SORCS1: variants seen among roughly 807,000 people sequenced by gnomAD.
SORCS1 encodes VPS10 domain-containing receptor SorCS1.
SORCS1 carries 60 observed loss-of-function variants against 146.1 expected under a neutral mutation model. The ratio of observed to expected loss-of-function variants is 0.41; its 90% CI spans 0.33 to 0.51. SORCS1 has a LOEUF of 0.51. Ranked by LOEUF, SORCS1 falls within the 20% of genes least tolerant of loss-of-function variation. SORCS1 has a pLI of 0.21. For missense variants in SORCS1, 1,352 were observed against 1,487.6 expected, an observed-to-expected ratio of 0.91 and a Z score of 1.50; for synonymous variants, 637 against 584.0, an observed-to-expected ratio of 1.09 and a Z score of -1.31.
intron 3 of SORCS1, among the ~76,000 whole-genome samples, chr10:106,785,789 C>A (rs1946028887): frequency 6.6e-6 from 1 of 152,138 alleles, no homozygotes; most frequent in Non-Finnish European, 1.5e-5. Flanking sequence ...AGCTCTACTG[C>A]AGAGCTCTTT....
intron 2 of SORCS1, among the ~76,000 whole-genome samples, chr10:106,872,932 T>C (rs1160025030): frequency 6.6e-6 from 1 of 152,166 alleles, no homozygotes; most frequent in Non-Finnish European, 1.5e-5. Flanking sequence ...CCCAGCACTT[T>C]GGGAGTTCGA....
chr10:106,961,544 A>G (rs1321477562), intron 1 of SORCS1, among the ~76,000 whole-genome samples: 1 of 152,206 alleles, frequency 6.6e-6, no homozygotes, highest in Non-Finnish European at 1.5e-5. Context: ...TTCATTTACT[A>G]AAGAATTCAC....
intron 1 of SORCS1, among the ~76,000 whole-genome samples, chr10:107,019,568 G>T (rs1281696079): frequency 1.3e-5 from 2 of 152,176 alleles, no homozygotes; most frequent in East Asian, 3.9e-4. Flanking sequence ...CATTCACTCT[G>T]CCATTTCTTT....
At chr10:106,906,136 G>C (rs1328672670) in intron 2 of SORCS1, among the ~76,000 whole-genome samples, 1 of 152,146 alleles carries the variant, frequency 6.6e-6, no homozygotes, top group African/African-American at 2.4e-5. Context: ...TTATTTGTTT[G>C]TTTTGAGACA....
intron 1 of SORCS1, among the ~76,000 whole-genome samples, chr10:107,034,082 A>T (rs1958784339): frequency 6.6e-6 from 1 of 152,252 alleles, no homozygotes; most frequent in Non-Finnish European, 1.5e-5. Context: ...GGCTTCCAAT[A>T]GACAGCTTGG....
At chr10:106,671,032 C>T (rs111274761) in intron 16 of SORCS1, among the ~76,000 whole-genome samples, 155 of 152,204 alleles carry the variant, frequency 1.0e-3, no homozygotes, top group African/African-American at 3.5e-3. Flanking sequence ...AGCCATCTTC[C>T]GAGTCCTCTT....
intron 2 of SORCS1, among the ~76,000 whole-genome samples, chr10:106,927,908 G>A (rs11193114): frequency 0.55 from 83,171 of 151,624 alleles, 23,821 homozygotes; most frequent in Non-Finnish European, 0.63. Flanking sequence ...CAGAGTAGCT[G>A]GATGCAAAGT....
rs373309411 is a variant in SORCS1 at position 106,957,155 on chromosome 10, G to GTTTTT, written c.559-580_559-576dup. 1.5e-4 allele frequency among the ~76,000 whole-genome samples: 21 copies of GTTTTT among 136,396 alleles called. 2 individuals are homozygous for GTTTTT. Among genetic ancestry groups the GTTTTT allele is most frequent in the Non-Finnish European group, 2.0e-4 (13 of 66,238 alleles). 89.5% of individuals were successfully genotyped at this position (136,396 alleles called of 152,430 possible). On this transcript the variant is annotated intron_variant, in intron 1 of 25. Transcript: ENST00000263054. ...CAAATTACATATCTATTAGCATGTG[G>GTTTTT]TTTTTTTTTGTTTTTTTTGTTTTTT...
intron 5 of SORCS1, among the ~76,000 whole-genome samples, chr10:106,758,623 A>G (rs531551299): frequency 6.6e-6 from 1 of 152,290 alleles, no homozygotes; most frequent in South Asian, 2.1e-4. Flanking sequence ...CACCCCCAAA[A>G]AGGGAGAGAA....
chr10:106,855,266 G>A (rs564050059), intron 2 of SORCS1, among the ~76,000 whole-genome samples: 1 of 152,236 alleles, frequency 6.6e-6, no homozygotes, highest in South Asian at 2.1e-4. Flanking sequence ...TTACAGGTAG[G>A]TGTTCCCCAT....
chr10:106,772,474 C>A (rs1345298871), intron 4 of SORCS1, among the ~76,000 whole-genome samples: 4 of 149,274 alleles, frequency 2.7e-5, no homozygotes, highest in African/African-American at 7.6e-5. Context: ...CAATCAATCT[C>A]TCTCTCTCTC....
intron 8 of SORCS1, among the ~76,000 whole-genome samples, chr10:106,704,716 A>C (rs1002361572): frequency 2.6e-5 from 4 of 152,086 alleles, no homozygotes; most frequent in African/African-American, 9.7e-5. Flanking sequence ...AAAAACAAAA[A>C]CAAAAACAAA....
intron 5 of SORCS1, among the ~76,000 whole-genome samples, chr10:106,755,485 A>C (rs1858565202): frequency 6.6e-6 from 1 of 152,124 alleles, no homozygotes; most frequent in South Asian, 2.1e-4. Context: ...ACAAATATAA[A>C]TCCCCTGATG....
At chr10:106,937,014 GAT>G (rs1405617978) in intron 2 of SORCS1, among the ~76,000 whole-genome samples, 4 of 152,162 alleles carry the variant, frequency 2.6e-5, no homozygotes, top group Non-Finnish European at 4.4e-5. Flanking sequence ...TTTACCAGAT[GAT>G]ACGGTTTGGC....
intron 18 of SORCS1, among the ~76,000 whole-genome samples, chr10:106,642,149 A>G (rs187150759): frequency 1.1e-3 from 164 of 152,348 alleles, no homozygotes; most frequent in African/African-American, 3.5e-3. Flanking sequence ...TGGGACAAAG[A>G]AAAGAGGCTT....
At chr10:106,762,021 A>G (rs1397587381) in intron 4 of SORCS1, among the ~76,000 whole-genome samples, 1 of 152,234 alleles carries the variant, frequency 6.6e-6, no homozygotes, top group African/African-American at 2.4e-5. Flanking sequence ...TGATGCAAAG[A>G]AGTGCAAAAT....
rs894151655 is a variant in SORCS1, at chr10:106,999,335, G to A, written c.559-42755C>T. On this transcript the variant is annotated intron_variant, in intron 1 of 25. Coordinates refer to ENST00000263054, the MANE Select transcript of SORCS1 (RefSeq NM_052918.5). ...TAAGATCAGATCTCTGGGCACTGAAGTCTGTATTTCACATGGAATCTCATT... is the reference window on the plus strand; with the variant it reads ...TAAGATCAGATCTCTGGGCACTGAAATCTGTATTTCACATGGAATCTCATT... Among the ~76,000 whole-genome samples the A allele has an allele frequency of 3.9e-5, 6 of 152,250 alleles. No individual in the cohort carries two copies. In the East Asian group the frequency reaches 1.2e-3, roughly 29 times the overall value.
intron 5 of SORCS1, among the ~76,000 whole-genome samples, chr10:106,761,232 G>A (rs759901556): frequency 1.3e-5 from 2 of 151,952 alleles, no homozygotes; most frequent in Admixed American, 6.6e-5. Flanking sequence ...CTGAATATGC[G>A]ATATATGTGT....
At chr10:107,166,707 C>A (rs1260795705), upstream of SORCS1, among the ~76,000 whole-genome samples, 2 of 152,224 alleles carry the variant, frequency 1.3e-5, no homozygotes, top group Admixed American at 6.5e-5. Context: ...TTAATGACTT[C>A]TTTCTATGCC....
Sources: allele counts gnomAD v4.1 joint callset (sites outside exome capture counted in the v4.1 genomes callset), GRCh38; gene constraint gnomAD v4.1.1; transcripts MANE v1.5; gene names NCBI Gene and HGNC (gene_info 2026-07-23, HGNC 2026-07-21).